PATJ: variants seen among roughly 807,000 people sequenced by gnomAD.
The protein encoded by PATJ is PATJ crumbs cell polarity complex component.
A neutral mutation model predicts 224.9 loss-of-function variants in PATJ; 190 were observed. The ratio of observed to expected loss-of-function variants is 0.84; its 90% CI spans 0.75 to 0.95. PATJ has a LOEUF of 0.95. PATJ is among the 40% of genes least tolerant of loss of function. PATJ has a pLI of 0.00. For synonymous variants in PATJ, 769 were observed against 820.3 expected, an observed-to-expected ratio of 0.94 and a Z score of 1.07; for missense variants, 2,121 against 2,270.3, an observed-to-expected ratio of 0.93 and a Z score of 1.34.
intron 16 of PATJ, among the ~76,000 whole-genome samples, chr1:61,832,034 T>C (rs1024303609): frequency 6.6e-6 from 1 of 152,198 alleles, no homozygotes; most frequent in Non-Finnish European, 1.5e-5. Context: ...GCAACCTGAA[T>C]GGAGCCAGAG....
At chr1:61,896,399 A>C (rs1335847710) in intron 22 of PATJ, among the ~76,000 whole-genome samples, 2 of 152,016 alleles carry the variant, frequency 1.3e-5, no homozygotes, top group Non-Finnish European at 2.9e-5. Context: ...GAACATTAGG[A>C]ATGAAAACAT....
chr1:62,094,113 A>G (rs1374265984), intron 33 of PATJ, among the ~76,000 whole-genome samples: 1 of 152,168 alleles, frequency 6.6e-6, no homozygotes, highest in Non-Finnish European at 1.5e-5. Flanking sequence ...AAACACACAC[A>G]GCCAGGCACA....
At chr1:61,788,220 T>C (rs1649006052) in intron 8 of PATJ, among the ~76,000 whole-genome samples, 1 of 152,206 alleles carries the variant, frequency 6.6e-6, no homozygotes, top group South Asian at 2.1e-4. Context: ...ATAATAATAC[T>C]TGCCTTGTCT....
intron 27 of PATJ, among the ~76,000 whole-genome samples, chr1:61,934,152 C>T (rs1439480044): frequency 6.8e-6 from 1 of 147,882 alleles, no homozygotes; most frequent in Non-Finnish European, 1.5e-5. Flanking sequence ...GAGTTTCGCT[C>T]TTGTTGCCCA....
intron 42 of PATJ, among the ~76,000 whole-genome samples, chr1:62,151,250 A>G (rs573589120): frequency 6.6e-6 from 1 of 152,344 alleles, no homozygotes; most frequent in Admixed American, 6.5e-5. Flanking sequence ...AAGTACATCA[A>G]CAAACAACTG....
chr1:61,769,282 G>A lies in PATJ; in HGVS notation c.385-1G>A, dbSNP rs1467384228. 1 of 1,599,792 alleles carries A rather than the reference G, an allele frequency of 6.3e-7. No homozygotes were observed. The highest frequency in any genetic ancestry group is 2.2e-5 in the East Asian group (1 of 44,654). ...TTTTTTTTTTAACGCTCCTTCATTA[G>A]GGCCGGCAAATTGAATATATAGATA... is the stretch of plus-strand genomic sequence containing the variant. On this transcript the variant is annotated splice_acceptor_variant, in intron 4 of 43. Coordinates refer to ENST00000642238, the MANE Select transcript of PATJ (RefSeq NM_001350145.3). LOFTEE classifies it high-confidence loss of function.
intron 31 of PATJ, among the ~76,000 whole-genome samples, chr1:62,054,880 C>T (rs1654280534): frequency 1.3e-5 from 2 of 152,064 alleles, no homozygotes; most frequent in South Asian, 4.2e-4. Flanking sequence ...CATGGTGAAA[C>T]CCCATCTCTA....
At chr1:62,051,138 C>T in intron 31 of PATJ, 80 bp downstream of exon 31, 3 of 1,038,314 alleles carry the variant, frequency 2.9e-6, no homozygotes, top group Admixed American at 3.9e-5. Context: ...TGGAAAGAAC[C>T]ACCTATCATG....
chr1:62,015,518 C>G (rs975732782), intron 28 of PATJ, among the ~76,000 whole-genome samples: 1 of 151,816 alleles, frequency 6.6e-6, no homozygotes, highest in Non-Finnish European at 1.5e-5. Flanking sequence ...TCGGTGCTTT[C>G]TATGAGATTG....
intron 27 of PATJ, among the ~76,000 whole-genome samples, chr1:61,981,533 C>T (rs1644447452): frequency 6.6e-6 from 1 of 151,878 alleles, no homozygotes; most frequent in Admixed American, 6.6e-5. Context: ...ACACAGGAGC[C>T]TTCAGAAAGA....
chr1:61,915,880 A>T (rs1042362109), intron 26 of PATJ, among the ~76,000 whole-genome samples: 1 of 151,938 alleles, frequency 6.6e-6, no homozygotes, highest in Non-Finnish European at 1.5e-5. Flanking sequence ...TATTTTTAGT[A>T]GAGACAAGGT....
At chr1:61,839,913 C>A (rs757057145) in intron 17 of PATJ, among the ~76,000 whole-genome samples, 26 of 151,798 alleles carry the variant, frequency 1.7e-4, no homozygotes, top group South Asian at 1.2e-3. Flanking sequence ...AATAACATAG[C>A]CATTGGGAGG....
intron 33 of PATJ, among the ~76,000 whole-genome samples, chr1:62,099,347 CTTTTTTTTTTTTTTTTTT>C (rs71050197): frequency 2.0e-4 from 11 of 55,682 alleles, no homozygotes; most frequent in Non-Finnish European, 3.4e-4. Context: ...ATATCTCCAA[CTTTTTTTTTTTTTTTTTT>C]TTTTTTTTTT....
chr1:61,968,891 C>A (rs1312023231), intron 27 of PATJ, among the ~76,000 whole-genome samples: 1 of 152,196 alleles, frequency 6.6e-6, no homozygotes, highest in African/African-American at 2.4e-5. Flanking sequence ...TTTCCCCCAT[C>A]CCTAGTACCT....
chr1:62,003,248 A>G (rs1645896577), intron 28 of PATJ, among the ~76,000 whole-genome samples: 1 of 152,242 alleles, frequency 6.6e-6, no homozygotes, highest in Admixed American at 6.5e-5. Flanking sequence ...TCACAGGAGT[A>G]TTCAAAATTA....
Position 62,082,088 on chromosome 1 carries a change from A to G in PATJ, c.4244-2427A>G, listed in dbSNP as rs1659351561. On this transcript the variant is annotated intron_variant, in intron 32 of 43. Coordinates refer to ENST00000642238, the MANE Select transcript of PATJ (RefSeq NM_001350145.3). Reference sequence around the variant, plus strand: ...ATTTTTCTATAAAGAAGTCGATAGTAAATATTTTAGGCTGTGGTCCACACA... The same window carrying G: ...ATTTTTCTATAAAGAAGTCGATAGTGAATATTTTAGGCTGTGGTCCACACA... 3.3e-5 allele frequency among the ~76,000 whole-genome samples: 5 copies of G among 152,122 alleles called. No homozygotes were observed. In the South Asian group the frequency reaches 1.0e-3, roughly 31 times the overall value.
At chr1:61,833,866 C>T in intron 17 of PATJ, 81 bp downstream of exon 17, 1 of 1,310,078 alleles carries the variant, frequency 7.6e-7, no homozygotes, top group South Asian at 1.5e-5. Context: ...TTGTTTAAGA[C>T]CCCTATTGAC....
intron 27 of PATJ, among the ~76,000 whole-genome samples, chr1:61,985,491 A>G (rs1644703759): frequency 6.6e-6 from 1 of 152,080 alleles, no homozygotes; most frequent in African/African-American, 2.4e-5. Flanking sequence ...CTTTAATTGT[A>G]TTGTTCAGTG....
intron 32 of PATJ, among the ~76,000 whole-genome samples, chr1:62,081,638 G>A (rs1350177784): frequency 6.6e-6 from 1 of 152,078 alleles, no homozygotes; most frequent in Non-Finnish European, 1.5e-5. Flanking sequence ...TGTGATCTCG[G>A]CTCACTGCAA....
Sources: gnomAD v4.1 joint callset for allele counts (sites outside exome capture counted in the v4.1 genomes callset) on GRCh38, gnomAD v4.1.1 for gene constraint, MANE v1.5 for transcripts, NCBI Gene and HGNC (gene_info 2026-07-23, HGNC 2026-07-21) for gene names.